PPP1R9A: variants seen among roughly 807,000 people sequenced by gnomAD.
PPP1R9A encodes the protein protein phosphatase 1 regulatory subunit 9A, also known as neurabin-1.
In PPP1R9A, 59 loss-of-function variants were observed where a neutral mutation model predicts 141.9. The observed-to-expected ratio is 0.42, with a 90% CI of 0.34 to 0.52. The LOEUF (loss-of-function observed/expected upper bound fraction) is 0.52. Ranked by LOEUF, PPP1R9A falls within the 20% of genes least tolerant of loss-of-function variation. The pLI is 0.10. For missense variants in PPP1R9A, 1,444 were observed against 1,611.9 expected, an observed-to-expected ratio of 0.90 and a Z score of 1.78; for synonymous variants, 500 against 569.7, an observed-to-expected ratio of 0.88 and a Z score of 1.74.
chr7:95,072,316 A>G (rs1813940131), intron 2 of PPP1R9A, among the ~76,000 whole-genome samples: 1 of 144,810 alleles, frequency 6.9e-6, no homozygotes, highest in South Asian at 2.1e-4. Context: ...ATTGTATTAT[A>G]TAATATATAT....
At position 94,943,082 on chromosome 7, in the gene PPP1R9A, A is replaced by G. The variant is rs1293894701; in HGVS notation, c.1395+31574A>G. On this transcript the variant is annotated intron_variant, in intron 2 of 19. Transcript: ENST00000433360. Reference sequence around the variant, plus strand: ...TGGACTATTTAGTTATTTTGGGTAGAACATGTACTGTTTACTGTTCTTCAT... The same window carrying G: ...TGGACTATTTAGTTATTTTGGGTAGGACATGTACTGTTTACTGTTCTTCAT... 3.3e-5 allele frequency among the ~76,000 whole-genome samples: 5 copies of G among 152,260 alleles called. No individual in the cohort carries two copies. The East Asian group carries it at 9.6e-4, about 29-fold the overall frequency.
At chr7:95,150,775 CTG>C (rs1462012653) in intron 4 of PPP1R9A, among the ~76,000 whole-genome samples, 6 of 148,186 alleles carry the variant, frequency 4.0e-5, no homozygotes, top group African/African-American at 1.5e-4. Context: ...TAATAAAGGA[CTG>C]TTATTTAAAG....
At chr7:95,251,585 A>G (rs574868107) in intron 10 of PPP1R9A, among the ~76,000 whole-genome samples, 177 bp from the exon 11 acceptor site, 2 of 152,246 alleles carry the variant, frequency 1.3e-5, no homozygotes, top group South Asian at 4.1e-4. Flanking sequence ...TTGCCTTGTG[A>G]CCCATTAAAG....
intron 8 of PPP1R9A, among the ~76,000 whole-genome samples, chr7:95,242,704 A>G (rs1211361911): frequency 6.6e-6 from 1 of 152,142 alleles, no homozygotes; most frequent in East Asian, 1.9e-4. Context: ...GTGCATATCT[A>G]TGGCTTTCAT....
Position 95,111,376 on chromosome 7 carries a change from G to A in PPP1R9A, c.1513G>A (p.Val505Met). The A allele has an allele frequency of 6.2e-7, 1 of 1,613,746 alleles. No homozygotes were observed. The highest frequency in any genetic ancestry group is 8.5e-7 in the Non-Finnish European group (1 of 1,179,726). ...KRVEKLELFP[V>M]ELEKDEDGLG... ...TGTAGAAAAGCTGGAACTTTTCCCAGTGGAGCTAGAGAAAGGTTCGTGAGT... is the reference window on the plus strand; with the variant it reads ...TGTAGAAAAGCTGGAACTTTTCCCAATGGAGCTAGAGAAAGGTTCGTGAGT... Residue 505 changes from valine to methionine, a missense_variant, in exon 3 of 20, where the codon GTG becomes ATG. Around this residue, in one of 5 missense-constraint regions of PPP1R9A, gnomAD observed 488 missense variants for 542.0 expected, o/e 0.90. Coordinates refer to ENST00000433360, the MANE Select transcript of PPP1R9A (RefSeq NM_001166160.2).
Position 95,274,000 on chromosome 7 carries a change from G to A in PPP1R9A, c.3212+14G>A, listed in dbSNP as rs369752713. ...TGTGGATCTGGGGTAAGCACTTCACGATGTAAAAAGAAAGCCCTCTGTAAA... is the reference window on the plus strand; with the variant it reads ...TGTGGATCTGGGGTAAGCACTTCACAATGTAAAAAGAAAGCCCTCTGTAAA... On this transcript the variant is annotated intron_variant, in intron 15 of 19. Transcript: ENST00000433360. 96 of 1,500,882 alleles carry A rather than the reference G, an allele frequency of 6.4e-5. No individual in the cohort carries two copies. The Middle Eastern group carries it at 1.4e-3, about 21-fold the overall frequency. The allele number at this position is 1,500,882 out of a possible 1,614,324, so 93.0% of individuals were successfully genotyped here.
intron 2 of PPP1R9A, among the ~76,000 whole-genome samples, chr7:95,057,737 T>C (rs1343317772): frequency 1.3e-5 from 2 of 152,144 alleles, no homozygotes; most frequent in East Asian, 3.9e-4. Flanking sequence ...AGCTTTCTGC[T>C]TGGGATAATT....
At chr7:94,970,172 C>A (rs1798703808) in intron 2 of PPP1R9A, among the ~76,000 whole-genome samples, 1 of 152,170 alleles carries the variant, frequency 6.6e-6, no homozygotes, top group South Asian at 2.1e-4. Context: ...GTCTCACAGG[C>A]ATTCCAGGTG....
At position 95,135,854 on chromosome 7, in the gene PPP1R9A, C is replaced by CTTTTTT. The variant is rs58872136; in HGVS notation, c.1649+15042_1649+15047dup. 6.2e-3 allele frequency among the ~76,000 whole-genome samples: 451 copies of CTTTTTT among 73,022 alleles called. 1 individual carries two copies. The highest frequency in any genetic ancestry group is 9.0e-3 in the African/African-American group (158 of 17,528). The allele number at this position is 73,022 out of a possible 152,430, so 47.9% of individuals were successfully genotyped here. A position where few individuals can be genotyped will look rare whatever the true frequency, so the allele number is the denominator to read the frequency against. On this transcript the variant is annotated intron_variant, in intron 4 of 19. Coordinates refer to ENST00000433360, the MANE Select transcript of PPP1R9A (RefSeq NM_001166160.2). ...TTGAGAGATTAAGCTTTCAGCTTTACTTTTTTTTTTTTTTTTTTTTTTTTT... is the reference window on the plus strand; with the variant it reads ...TTGAGAGATTAAGCTTTCAGCTTTACTTTTTTTTTTTTTTTTTTTTTTTTTTTTTTT...
chr7:95,187,429 C>T (rs1475464041), intron 5 of PPP1R9A, among the ~76,000 whole-genome samples: 4 of 152,104 alleles, frequency 2.6e-5, no homozygotes, highest in African/African-American at 9.7e-5. Context: ...CACTAATGGT[C>T]TATCAATTTT....
intron 2 of PPP1R9A, among the ~76,000 whole-genome samples, chr7:95,050,241 G>A (rs1810606237): frequency 6.6e-6 from 1 of 152,114 alleles, no homozygotes; most frequent in Admixed American, 6.5e-5. Context: ...TGACATATGT[G>A]GAGCATCTTT....
intron 4 of PPP1R9A, chr7:95,155,251 ATCATG>A (rs1829420065): frequency 7.1e-6 from 1 of 140,242 alleles, no homozygotes; most frequent in African/African-American, 2.7e-5. Context: ...TAGTGGCAGG[ATCATG>A]GCTTACTTCA....
chr7:95,277,638 G>T (rs1803444203), intron 16 of PPP1R9A, among the ~76,000 whole-genome samples: 1 of 152,028 alleles, frequency 6.6e-6, no homozygotes, highest in South Asian at 2.1e-4. Flanking sequence ...TGTTGCCCAG[G>T]CTGTTGTTGA....
At chr7:94,911,604 G>A (rs1180176603) in intron 2 of PPP1R9A, 96 bp downstream of exon 2, 2 of 949,318 alleles carry the variant, frequency 2.1e-6, no homozygotes, top group Admixed American at 2.7e-5. Context: ...AGGAGTTTTT[G>A]TAAGGGATTC....
intron 2 of PPP1R9A, among the ~76,000 whole-genome samples, chr7:94,918,183 A>T (rs1172566362): frequency 1.3e-5 from 2 of 152,130 alleles, no homozygotes; most frequent in Non-Finnish European, 2.9e-5. Context: ...TATGCTTTAT[A>T]GTTTTTCTTC....
chr7:95,262,060 G>T (rs574738927), intron 12 of PPP1R9A, among the ~76,000 whole-genome samples: 7 of 152,242 alleles, frequency 4.6e-5, no homozygotes, highest in African/African-American at 1.7e-4. Context: ...TAATGGGAGG[G>T]TGTCTACTTA....
At chr7:95,023,420 A>T (rs371213976) in intron 2 of PPP1R9A, among the ~76,000 whole-genome samples, 1 of 152,132 alleles carries the variant, frequency 6.6e-6, no homozygotes, top group African/African-American at 2.4e-5. Context: ...CTTTTCAAAA[A>T]TGCAGCTCCT....
chr7:95,149,481 A>G (rs1332615431), intron 4 of PPP1R9A, among the ~76,000 whole-genome samples: 1 of 152,152 alleles, frequency 6.6e-6, no homozygotes, highest in Non-Finnish European at 1.5e-5. Flanking sequence ...CTGTTCAAAA[A>G]TAGAGTAAAA....
chr7:94,968,419 G>A (rs1003470559), intron 2 of PPP1R9A, among the ~76,000 whole-genome samples: 17 of 152,178 alleles, frequency 1.1e-4, no homozygotes, highest in African/African-American at 3.1e-4. Flanking sequence ...TGATCCACCC[G>A]CCTCGGCCTC....
Sources: allele counts gnomAD v4.1 joint callset (sites outside exome capture counted in the v4.1 genomes callset), GRCh38; gene constraint gnomAD v4.1.1; regional missense constraint gnomAD v4.1.1; transcripts MANE v1.5; gene names NCBI Gene and HGNC (gene_info 2026-07-23, HGNC 2026-07-21).